The following IRGM variants were observed in gnomAD, a reference collection of about 807,000 sequenced individuals.
IRGM encodes immunity related GTPase M.
For missense variants in IRGM, 288 were observed against 219.9 expected, an observed-to-expected ratio of 1.31 and a Z score of -1.96; for synonymous variants, 98 against 80.6, an observed-to-expected ratio of 1.22 and a Z score of -1.16.
chr5:150,867,239 C>T (rs538672433), intron 1 of IRGM, among the ~76,000 whole-genome samples: 19 of 152,254 alleles, frequency 1.2e-4, no homozygotes, highest in South Asian at 8.3e-4. Context: ...TGAGAACATA[C>T]GATATTTGGT....
At chr5:150,857,074 C>T (rs899200384) in intron 1 of IRGM, among the ~76,000 whole-genome samples, 5 of 151,896 alleles carry the variant, frequency 3.3e-5, no homozygotes, top group Admixed American at 6.6e-5. Context: ...AATGCTATCC[C>T]TCCCTCCTCC....
downstream of IRGM, among the ~76,000 whole-genome samples, chr5:150,850,664 C>T (rs1253873000): frequency 6.6e-6 from 1 of 152,178 alleles, no homozygotes; most frequent in African/African-American, 2.4e-5. Context: ...TGGTATCTTC[C>T]TGCCTCAGCC....
chr5:150,887,658 G>GAA (rs75460329), intron 3 of IRGM, among the ~76,000 whole-genome samples: 4,758 of 88,502 alleles, frequency 0.054, 132 homozygotes, highest in Non-Finnish European at 0.086. Flanking sequence ...AGGTCAAAAT[G>GAA]AAAAAAAAAA....
Position 150,890,246 on chromosome 5 carries a change from GT to G in IRGM, c.*141-10340del, listed in dbSNP as rs370614211. 2.0e-3 allele frequency among the ~76,000 whole-genome samples: 306 copies of G among 152,060 alleles called. 3 individuals carry two copies. The highest frequency in any genetic ancestry group is 7.0e-3 in the African/African-American group (291 of 41,538). ...ATTTCTTCTCGAGTAAGGTGTGGTAGTTTGTATCTTTCAAAGGATTTGTCCA... is the reference window on the plus strand; with the variant it reads ...ATTTCTTCTCGAGTAAGGTGTGGTAGTTGTATCTTTCAAAGGATTTGTCCA... On this transcript the variant is annotated intron_variant and NMD_transcript_variant, in intron 3 of 3. Coordinates refer to the IRGM transcript ENST00000520549.
chr5:150,866,265 G>A (rs942756398), intron 1 of IRGM, among the ~76,000 whole-genome samples: 3 of 152,182 alleles, frequency 2.0e-5, no homozygotes, highest in African/African-American at 4.8e-5. Context: ...ATGAGCCATG[G>A]CAAAGGAAAG....
At chr5:150,891,244 T>A (rs1453716471) in intron 3 of IRGM, among the ~76,000 whole-genome samples, 1 of 152,098 alleles carries the variant, frequency 6.6e-6, no homozygotes, top group East Asian at 1.9e-4. Flanking sequence ...GATATTAACA[T>A]AGGCCTTCCA....
At chr5:150,847,564 T>C (rs1292967343) in intron 1 of IRGM, 145 bp from the exon 2 acceptor site, 1 of 153,870 alleles carries the variant, frequency 6.5e-6, no homozygotes, top group Non-Finnish European at 1.4e-5. Flanking sequence ...TGAAGAAATG[T>C]GCACATTGCT....
At chr5:150,872,179 A>T (rs1754294573) in intron 1 of IRGM, among the ~76,000 whole-genome samples, 1 of 152,240 alleles carries the variant, frequency 6.6e-6, no homozygotes, top group South Asian at 2.1e-4. Context: ...GGTTTTTGTG[A>T]ATCTATAATA....
chr5:150,855,847 A>T (rs1754040743), intron 1 of IRGM, among the ~76,000 whole-genome samples: 1 of 152,222 alleles, frequency 6.6e-6, no homozygotes, highest in Non-Finnish European at 1.5e-5. Context: ...GAAGGCAAAA[A>T]CACAGAAACA....
At chr5:150,898,475 A>C in intron 3 of IRGM, 1 of 1,613,344 alleles carries the variant, frequency 6.2e-7, no homozygotes. Flanking sequence ...ATCCCTGTAC[A>C]GGGTCCTCTG....
intron 1 of IRGM, among the ~76,000 whole-genome samples, chr5:150,854,620 C>T (rs1754024844): frequency 6.6e-6 from 1 of 152,120 alleles, no homozygotes; most frequent in Non-Finnish European, 1.5e-5. Flanking sequence ...TCTTTTAGCA[C>T]CTTAAATATA....
chr5:150,846,523 T>C lies in IRGM; in HGVS notation c.-1113T>C, dbSNP rs181894419. On this transcript the variant is annotated 5_prime_UTR_variant, in exon 1 of 2. Transcript: ENST00000522154. ...AGCAGGCTGCCCGAACCAGCAGTGGTAACCTGCTCAGGTCCCCTTCCATGC... is the reference window on the plus strand; with the variant it reads ...AGCAGGCTGCCCGAACCAGCAGTGGCAACCTGCTCAGGTCCCCTTCCATGC... The C allele has an allele frequency of 3.3e-5, 5 of 152,344 alleles. No individual in the cohort carries two copies. Among genetic ancestry groups the C allele is most frequent in the African/African-American group, 1.2e-4 (5 of 41,564 alleles). 9.4% of individuals were successfully genotyped at this position (152,344 alleles called of 1,614,324 possible). A position where few individuals can be genotyped will look rare whatever the true frequency, so the allele number is the denominator to read the frequency against.
chr5:150,896,387 G>A (rs1450887240), intron 3 of IRGM: 1 of 1,613,632 alleles, frequency 6.2e-7, no homozygotes, highest in Admixed American at 1.7e-5. Context: ...GATGTACAAT[G>A]AGTTGTGACT....
chr5:150,877,739 T>C (rs1340438510), intron 1 of IRGM, among the ~76,000 whole-genome samples: 1 of 152,144 alleles, frequency 6.6e-6, no homozygotes, highest in African/African-American at 2.4e-5. Flanking sequence ...GCTAACCCTA[T>C]AGGGCAGTGA....
chr5:150,901,324 T>C (rs1024602675), downstream of IRGM, among the ~76,000 whole-genome samples: 29 of 152,130 alleles, frequency 1.9e-4, no homozygotes, highest in African/African-American at 2.9e-4. Flanking sequence ...TTTATTCCCA[T>C]ATATTACTCA....
At chr5:150,879,723 T>A (rs1192450460) in intron 3 of IRGM, 1 of 152,230 alleles carries the variant, frequency 6.6e-6, no homozygotes, top group East Asian at 1.9e-4. Context: ...AGATCACTTT[T>A]TATAAAACAT....
At chr5:150,886,887 T>A (rs185325710) in intron 3 of IRGM, among the ~76,000 whole-genome samples, 9 of 152,180 alleles carry the variant, frequency 5.9e-5, no homozygotes, top group African/African-American at 1.7e-4. Flanking sequence ...ATGATTTTTT[T>A]TGTGTCTTGA....
At chr5:150,856,203 C>A (rs1032605378) in intron 1 of IRGM, among the ~76,000 whole-genome samples, 10 of 152,158 alleles carry the variant, frequency 6.6e-5, no homozygotes, top group Middle Eastern at 3.4e-3. Flanking sequence ...GAGGCCAAGG[C>A]AGGTGGATCA....
chr5:150,898,028 C>G, intron 3 of IRGM: 1 of 1,597,214 alleles, frequency 6.3e-7, no homozygotes, highest in Non-Finnish European at 8.5e-7. Context: ...AGGCACCAAT[C>G]AATTAAAAAA....
Sources: allele counts gnomAD v4.1 joint callset (sites outside exome capture counted in the v4.1 genomes callset), GRCh38; gene constraint gnomAD v4.1.1; transcripts MANE v1.5; gene names NCBI Gene and HGNC (gene_info 2026-07-23, HGNC 2026-07-21).